ADORA2B: variants seen among roughly 807,000 people sequenced by gnomAD.
ADORA2B encodes the protein adenosine receptor A2b.
ADORA2B carries 18 observed loss-of-function variants against 20.8 expected under a neutral mutation model. That is an observed-to-expected ratio of 0.87 (90% confidence interval 0.60 to 1.29). The LOEUF (loss-of-function observed/expected upper bound fraction) is 1.29. Ranked by LOEUF, ADORA2B falls within the 50% of genes most tolerant of loss-of-function variation. The pLI is 0.00. For missense variants in ADORA2B, 441 were observed against 422.7 expected (o/e 1.04, Z -0.38); for synonymous variants, 179 against 178.3 (o/e 1.00, Z -0.03).
At chr17:15,874,314 C>T in the ADORA2B span, among the ~76,000 whole-genome samples, 9 of 150,914 alleles carry the variant, frequency 6.0e-5, no homozygotes, top group East Asian at 3.9e-4. Context: ...ACTTTAGAGA[C>T]TCATAAGGGA....
the ADORA2B span, among the ~76,000 whole-genome samples, chr17:15,898,258 G>C: frequency 6.6e-6 from 1 of 151,760 alleles, no homozygotes; most frequent in Non-Finnish European, 1.5e-5. Context: ...ATTTTTCTTT[G>C]GAGTGTTGTA....
At chr17:15,926,285 G>A in the ADORA2B span, among the ~76,000 whole-genome samples, 1 of 151,872 alleles carries the variant, frequency 6.6e-6, no homozygotes, top group African/African-American at 2.4e-5. Context: ...ACTCTGGCAG[G>A]GGACGCAGAC....
At chr17:15,954,017 C>T (rs143346753) in intron 1 of ADORA2B, among the ~76,000 whole-genome samples, 5 of 151,406 alleles carry the variant, frequency 3.3e-5, no homozygotes, top group African/African-American at 1.2e-4. Context: ...CTCGCTCTGT[C>T]GCCCAAGCTG....
At chr17:15,948,037 G>A (rs1969832113) in intron 1 of ADORA2B, among the ~76,000 whole-genome samples, 1 of 152,138 alleles carries the variant, frequency 6.6e-6, no homozygotes, top group African/African-American at 2.4e-5. Context: ...GAAGTGCCCT[G>A]TTTGGGAGGA....
At chr17:15,950,919 T>C (rs1045853699) in intron 1 of ADORA2B, among the ~76,000 whole-genome samples, 2 of 152,258 alleles carry the variant, frequency 1.3e-5, no homozygotes, top group African/African-American at 2.4e-5. Context: ...CATTAAACCA[T>C]GTCCTTACTC....
chr17:15,937,427 CTACTT>C, the ADORA2B span, among the ~76,000 whole-genome samples: 1 of 152,172 alleles, frequency 6.6e-6, no homozygotes, highest in Admixed American at 6.6e-5. Context: ...ATTGACAACT[CTACTT>C]TAGCCTTTAT....
the ADORA2B span, among the ~76,000 whole-genome samples, chr17:15,895,434 G>T: frequency 6.6e-6 from 1 of 152,162 alleles, no homozygotes; most frequent in Non-Finnish European, 1.5e-5. Flanking sequence ...AGTCTGAGGT[G>T]CTGTGAAATA....
At chr17:15,908,587 C>T in the ADORA2B span, 1 of 195,188 alleles carries the variant, frequency 5.1e-6, no homozygotes, top group South Asian at 1.1e-4. Context: ...ACTGGTAGAG[C>T]ATGATGCAGT....
chr17:15,872,408 A>T, the ADORA2B span, among the ~76,000 whole-genome samples: 1 of 152,088 alleles, frequency 6.6e-6, no homozygotes, highest in Non-Finnish European at 1.5e-5. Flanking sequence ...TTTTGGTTCC[A>T]TATGAATTTT....
the ADORA2B span, among the ~76,000 whole-genome samples, chr17:15,928,007 A>G: frequency 6.6e-6 from 1 of 152,088 alleles, no homozygotes; most frequent in African/African-American, 2.4e-5. Flanking sequence ...TTTTTAGTAG[A>G]GATGGGGTTT....
At chr17:15,864,524 T>G in the ADORA2B span, among the ~76,000 whole-genome samples, 2 of 151,968 alleles carry the variant, frequency 1.3e-5, no homozygotes, top group Non-Finnish European at 2.9e-5. Flanking sequence ...GAGGGAGGAT[T>G]CTCTGGCTGA....
chr17:15,955,615 C>A (rs997954182), intron 1 of ADORA2B, among the ~76,000 whole-genome samples: 2 of 151,986 alleles, frequency 1.3e-5, no homozygotes, highest in Non-Finnish European at 2.9e-5. Context: ...ACCATGTTGG[C>A]CAGGCTGGTC....
the ADORA2B span, among the ~76,000 whole-genome samples, chr17:15,851,962 A>C: frequency 2.0e-5 from 3 of 152,236 alleles, no homozygotes; most frequent in African/African-American, 7.2e-5. Flanking sequence ...GTAAATGAAC[A>C]ATAATAACTT....
At chr17:15,940,841 C>G (rs1333767602), upstream of ADORA2B, among the ~76,000 whole-genome samples, 2 of 152,218 alleles carry the variant, frequency 1.3e-5, no homozygotes, top group African/African-American at 4.8e-5. Flanking sequence ...GGTAGGGAGG[C>G]TAGCCCTCTT....
upstream of ADORA2B, among the ~76,000 whole-genome samples, chr17:15,942,341 G>A (rs972418856): frequency 1.3e-5 from 2 of 152,144 alleles, no homozygotes; most frequent in Admixed American, 1.3e-4. Context: ...TTCCCCATGT[G>A]ACATGCCTGC....
the ADORA2B span, among the ~76,000 whole-genome samples, chr17:15,872,836 A>G: frequency 1.3e-5 from 2 of 152,246 alleles, no homozygotes; most frequent in African/African-American, 4.8e-5. Flanking sequence ...GTATATGATC[A>G]TATCATCTGC....
At chr17:15,954,976 G>C (rs1327470579) in intron 1 of ADORA2B, among the ~76,000 whole-genome samples, 1 of 152,116 alleles carries the variant, frequency 6.6e-6, no homozygotes, top group East Asian at 1.9e-4. Flanking sequence ...AATTTTGTGA[G>C]ACTGGGTCTA....
At chr17:15,908,287 G>A in the ADORA2B span, among the ~76,000 whole-genome samples, 4 of 152,086 alleles carry the variant, frequency 2.6e-5, no homozygotes, top group South Asian at 2.1e-4. Context: ...GCTGTCATAC[G>A]GTTAAAAGAT....
At chr17:15,960,901 C>T (rs1183663422) in intron 1 of ADORA2B, among the ~76,000 whole-genome samples, 1 of 147,826 alleles carries the variant, frequency 6.8e-6, no homozygotes, top group Admixed American at 6.8e-5. Flanking sequence ...GGCGCAGTAG[C>T]TCACGACTAT....
Sources: gnomAD v4.1 joint callset for allele counts (sites outside exome capture counted in the v4.1 genomes callset) on GRCh38, gnomAD v4.1.1 for gene constraint, MANE v1.5 for transcripts, NCBI Gene and HGNC (gene_info 2026-07-23, HGNC 2026-07-21) for gene names.